RPH3A: variants seen among roughly 807,000 people sequenced by gnomAD.
RPH3A encodes the protein rabphilin 3A, also known as rabphilin-3A.
RPH3A carries 48 observed loss-of-function variants against 102.2 expected under a neutral mutation model. The observed-to-expected ratio is 0.47, with a 90% CI of 0.37 to 0.60. The LOEUF is 0.60. Among genes scored for constraint, RPH3A ranks in the 20% least tolerant of loss-of-function variants. The probability of loss-of-function intolerance (pLI) is 0.00; values close to 1 mark genes in which losing one functional copy is unlikely to be tolerated. For synonymous variants in RPH3A, 310 were observed against 324.3 expected (o/e 0.96, Z 0.47); for missense variants, 781 against 910.1 (o/e 0.86, Z 1.83).
chr12:112,714,849 C>G (rs977195960), intron 1 of RPH3A, among the ~76,000 whole-genome samples: 1 of 152,178 alleles, frequency 6.6e-6, no homozygotes, highest in East Asian at 1.9e-4. Flanking sequence ...GCATATCAAC[C>G]ATCCACATAT....
chr12:112,740,935 C>T (rs938027248), intron 1 of RPH3A, among the ~76,000 whole-genome samples: 1 of 152,150 alleles, frequency 6.6e-6, no homozygotes, highest in African/African-American at 2.4e-5. Flanking sequence ...TGTAGGATGT[C>T]CAGTGCCTTC....
At chr12:112,750,747 A>G (rs1268182206) in intron 1 of RPH3A, among the ~76,000 whole-genome samples, 1 of 152,196 alleles carries the variant, frequency 6.6e-6, no homozygotes. Flanking sequence ...CTTTCACTCC[A>G]GGATCTAGGT....
intron 5 of RPH3A, among the ~76,000 whole-genome samples, chr12:112,859,148 A>C (rs1724296406): frequency 6.6e-6 from 1 of 152,180 alleles, no homozygotes; most frequent in African/African-American, 2.4e-5. Context: ...GTCTACTCTT[A>C]GTCATCAAGG....
intron 2 of RPH3A, among the ~76,000 whole-genome samples, chr12:112,825,890 CTATT>C (rs1319379747): frequency 2.0e-5 from 3 of 152,060 alleles, no homozygotes; most frequent in Admixed American, 6.6e-5. Flanking sequence ...GGAGGAGGAA[CTATT>C]TTATTTATTT....
At chr12:112,725,275 AAAAAC>A (rs2040579985) in intron 1 of RPH3A, among the ~76,000 whole-genome samples, 1 of 151,312 alleles carries the variant, frequency 6.6e-6, no homozygotes, top group Non-Finnish European at 1.5e-5. Context: ...AAAAAAAAAA[AAAAAC>A]ACGTTTTAAT....
chr12:112,576,589 C>T (rs564559054), intron 1 of RPH3A, among the ~76,000 whole-genome samples: 2 of 152,328 alleles, frequency 1.3e-5, no homozygotes, highest in East Asian at 3.9e-4. Context: ...CTCCTGACCT[C>T]GGGTTATCCG....
chr12:112,589,810 T>C (rs992174290), intron 1 of RPH3A, among the ~76,000 whole-genome samples: 4 of 152,176 alleles, frequency 2.6e-5, no homozygotes, highest in Non-Finnish European at 5.9e-5. Context: ...TAGTAAATTG[T>C]GGTGGCTCAC....
At chr12:112,866,716 G>T (rs756747690) in intron 6 of RPH3A, 41 bp from the exon 7 acceptor site, 1 of 1,564,030 alleles carries the variant, frequency 6.4e-7, no homozygotes, top group Non-Finnish European at 8.8e-7. Context: ...CCTCCCATGA[G>T]CATGGCTCAT....
intron 2 of RPH3A, among the ~76,000 whole-genome samples, chr12:112,810,663 A>G (rs906934688): frequency 2.6e-5 from 4 of 152,146 alleles, no homozygotes; most frequent in Non-Finnish European, 4.4e-5. Flanking sequence ...ACAACCCCTA[A>G]GTATGGTATG....
chr12:112,837,773 G>C (rs1468661362), intron 4 of RPH3A: 1 of 455,820 alleles, frequency 2.2e-6, no homozygotes, highest in African/African-American at 2.0e-5. Context: ...AAGGTCTCAG[G>C]GTTCTTAGAG....
intron 14 of RPH3A, among the ~76,000 whole-genome samples, chr12:112,880,008 C>T (rs2136243919): frequency 6.6e-6 from 1 of 152,138 alleles, no homozygotes; most frequent in East Asian, 1.9e-4. Context: ...CAGGACAGTC[C>T]CCTTCTATGC....
intron 1 of RPH3A, among the ~76,000 whole-genome samples, chr12:112,702,484 G>T (rs2040400775): frequency 6.6e-6 from 1 of 152,216 alleles, no homozygotes; most frequent in Non-Finnish European, 1.5e-5. Context: ...ACAATGGCCT[G>T]CCTCATAGAT....
intron 1 of RPH3A, among the ~76,000 whole-genome samples, chr12:112,693,903 A>G (rs901425383): frequency 2.6e-5 from 4 of 152,220 alleles, no homozygotes; most frequent in Non-Finnish European, 5.9e-5. Flanking sequence ...CTTGTTCTCC[A>G]TTGTGCCTTG....
rs184044660 is a variant in RPH3A, at chr12:112,581,840, A to T, written c.-140+6521A>T. Among the ~76,000 whole-genome samples the T allele has an allele frequency of 5.7e-4, 85 of 148,488 alleles. 7 individuals are homozygous for T. The highest frequency in any genetic ancestry group is 2.7e-3 in the Admixed American group (41 of 14,946). ...TTCAGTCCCACTTTTGCTGCTCACCAGCTACGTGACCTTGTGAAAGTTATT... is the reference window on the plus strand; with the variant it reads ...TTCAGTCCCACTTTTGCTGCTCACCTGCTACGTGACCTTGTGAAAGTTATT... On this transcript the variant is annotated intron_variant, in intron 1 of 21. Transcript: ENST00000543106.
intron 2 of RPH3A, among the ~76,000 whole-genome samples, chr12:112,804,042 T>TA (rs1370412792): frequency 6.6e-6 from 1 of 152,206 alleles, no homozygotes; most frequent in Non-Finnish European, 1.5e-5. Flanking sequence ...TGAATTTTTT[T>TA]AAAAAAATTA....
chr12:112,878,713 G>T (rs1034482904), intron 13 of RPH3A, among the ~76,000 whole-genome samples: 8 of 152,234 alleles, frequency 5.3e-5, no homozygotes, highest in Admixed American at 1.3e-4. Flanking sequence ...ACCATGTAAG[G>T]ATCTAGAGGG....
intron 1 of RPH3A, among the ~76,000 whole-genome samples, chr12:112,725,332 C>T (rs971086379): frequency 6.6e-6 from 1 of 151,006 alleles, no homozygotes. Context: ...ACTTTCCCCA[C>T]GACCTCATTG....
chr12:112,754,343 T>C lies in RPH3A; in HGVS notation c.-139-37800T>C, dbSNP rs183481367. Among the ~76,000 whole-genome samples, 506 of 133,896 alleles carry C rather than the reference T, an allele frequency of 3.8e-3. 4 individuals carry two copies. Among genetic ancestry groups the C allele is most frequent in the Middle Eastern group, 0.012 (3 of 260 alleles). 87.8% of individuals were successfully genotyped at this position (133,896 alleles called of 152,430 possible). A position where few individuals can be genotyped will look rare whatever the true frequency, so the allele number is the denominator to read the frequency against. On this transcript the variant is annotated intron_variant, in intron 1 of 21. Coordinates refer to the RPH3A transcript ENST00000543106. ...AAAGCATCTGCCTTAGTGCCTGTAG[T>C]ATAATAGGTGCCAAGCAAATAAACA...
At chr12:112,847,635 C>T (rs565779902) in intron 4 of RPH3A, 61 bp from the exon 5 acceptor site, 14 of 1,556,730 alleles carry the variant, frequency 9.0e-6, no homozygotes, top group Admixed American at 8.8e-5. Context: ...GTGAGTTTCC[C>T]GGCAGGAATT....
Sources: gnomAD v4.1 joint callset for allele counts (sites outside exome capture counted in the v4.1 genomes callset) on GRCh38, gnomAD v4.1.1 for gene constraint, MANE v1.5 for transcripts, NCBI Gene and HGNC (gene_info 2026-07-23, HGNC 2026-07-21) for gene names.